CD160: variants seen among roughly 807,000 people sequenced by gnomAD.
The protein encoded by CD160 is CD160 antigen.
A neutral mutation model predicts 19.2 loss-of-function variants in CD160; 11 were observed. The observed-to-expected ratio is 0.57, with a 90% CI of 0.36 to 0.95. The LOEUF (loss-of-function observed/expected upper bound fraction) is 0.95. CD160 is among the 40% of genes least tolerant of loss of function. The pLI, the probability that CD160 is intolerant of heterozygous loss-of-function variation, is 0.01. For missense variants in CD160, 182 were observed against 213.2 expected (o/e 0.85, Z 0.91); for synonymous variants, 75 against 81.1 (o/e 0.93, Z 0.40).
chr1:145,721,353 A>T (rs1038608126), intron 1 of CD160, among the ~76,000 whole-genome samples: 3 of 152,100 alleles, frequency 2.0e-5, no homozygotes, highest in South Asian at 4.1e-4. Flanking sequence ...GTGCGAAATC[A>T]GCGCCGCCGG....
At chr1:145,735,446 C>T (rs587618342) in intron 4 of CD160, among the ~76,000 whole-genome samples, 8 of 152,102 alleles carry the variant, frequency 5.3e-5, no homozygotes, top group East Asian at 1.9e-4. Context: ...ATTGGCTGGG[C>T]GTGGTGGCAC....
At chr1:145,727,856 TA>T (rs1657113830) in intron 2 of CD160, among the ~76,000 whole-genome samples, 1 of 152,156 alleles carries the variant, frequency 6.6e-6, no homozygotes, top group Non-Finnish European at 1.5e-5. Flanking sequence ...GCAAAAATGT[TA>T]AAGTACAGAT....
chr1:145,721,927 G>C (rs1207179340), intron 1 of CD160, among the ~76,000 whole-genome samples: 1 of 152,048 alleles, frequency 6.6e-6, no homozygotes, highest in Non-Finnish European at 1.5e-5. Context: ...ACAGCTGTTC[G>C]TGAATGGATG....
At chr1:145,721,493 A>G (rs1656846600) in intron 1 of CD160, among the ~76,000 whole-genome samples, 1 of 151,876 alleles carries the variant, frequency 6.6e-6, no homozygotes, top group African/African-American at 2.4e-5. Flanking sequence ...ACAGACTTAC[A>G]TGCTCTTCTT....
Position 145,724,862 on chromosome 1 carries a change from C to G in CD160, c.-117C>G, listed in dbSNP as rs1049527869. On this transcript the variant is annotated 5_prime_UTR_variant, in exon 2 of 6. Transcript: ENST00000369288. ...TCATACCTCACTACATCCGTGAACT[C>G]CCGGGCTCCTCCCACCTAAGTCTCT... 4 of 151,984 alleles carry G rather than the reference C, an allele frequency of 2.6e-5. No homozygotes were observed. Among genetic ancestry groups the G allele is most frequent in the Non-Finnish European group, 5.9e-5 (4 of 68,022 alleles). 9.4% of individuals were successfully genotyped at this position (151,984 alleles called of 1,614,324 possible).
intron 2 of CD160, among the ~76,000 whole-genome samples, chr1:145,727,670 G>T (rs766754250): frequency 1.3e-5 from 2 of 152,128 alleles, no homozygotes; most frequent in Non-Finnish European, 2.9e-5. Flanking sequence ...ATGGCAGATG[G>T]GTTAATATCT....
At chr1:145,727,019 T>C (rs1657076162) in intron 2 of CD160, among the ~76,000 whole-genome samples, 3 of 152,152 alleles carry the variant, frequency 2.0e-5, no homozygotes, top group Admixed American at 2.0e-4. Flanking sequence ...AGGGCAAGAC[T>C]AGACAAGCTG....
intron 2 of CD160, among the ~76,000 whole-genome samples, chr1:145,725,927 A>G (rs1244584494): frequency 6.6e-6 from 1 of 152,204 alleles, no homozygotes; most frequent in African/African-American, 2.4e-5. Flanking sequence ...GAATCAACTG[A>G]AAAATGATAG....
chr1:145,729,524 T>C (rs1341915162), intron 3 of CD160, among the ~76,000 whole-genome samples: 1 of 152,040 alleles, frequency 6.6e-6, no homozygotes, highest in African/African-American at 2.4e-5. Context: ...ATTATAATAA[T>C]GGACTACAAA....
At chr1:145,734,611 G>T (rs1234370487) in intron 4 of CD160, among the ~76,000 whole-genome samples, 1 of 152,154 alleles carries the variant, frequency 6.6e-6, no homozygotes, top group Non-Finnish European at 1.5e-5. Context: ...ACAGAATGAG[G>T]TATAACACAG....
intron 4 of CD160, among the ~76,000 whole-genome samples, chr1:145,732,460 G>A (rs1430387271): frequency 6.6e-6 from 1 of 151,886 alleles, no homozygotes; most frequent in Non-Finnish European, 1.5e-5. Context: ...GATCACTTGA[G>A]CCCAGGAGTT....
At chr1:145,727,621 GACAA>G (rs1274257527) in intron 2 of CD160, among the ~76,000 whole-genome samples, 12 of 152,118 alleles carry the variant, frequency 7.9e-5, no homozygotes, top group African/African-American at 2.4e-4. Context: ...AAAGTGAAGA[GACAA>G]ACAACAAATT....
intron 5 of CD160, 24 bp from the exon 6 acceptor site, chr1:145,738,462 G>A: frequency 7.6e-7 from 1 of 1,318,942 alleles, no homozygotes; most frequent in Non-Finnish European, 9.8e-7. Context: ...TTATAAGGCA[G>A]TAATACAAAC....
chr1:145,732,753 G>A (rs888897306), intron 4 of CD160, among the ~76,000 whole-genome samples: 2 of 152,028 alleles, frequency 1.3e-5, no homozygotes, highest in African/African-American at 2.4e-5. Flanking sequence ...AAGAAACATA[G>A]CGCACAACTT....
chr1:145,728,849 TCAGA>T (rs1657169350), intron 3 of CD160, among the ~76,000 whole-genome samples: 2 of 152,158 alleles, frequency 1.3e-5, no homozygotes, highest in African/African-American at 4.8e-5. Context: ...TGCCTCTCTA[TCAGA>T]CACTCTGTCT....
At chr1:145,733,701 A>G (rs1207841328) in intron 4 of CD160, among the ~76,000 whole-genome samples, 2 of 151,300 alleles carry the variant, frequency 1.3e-5, no homozygotes, top group Non-Finnish European at 2.9e-5. Context: ...CTGTGACTGT[A>G]CTCCCCTGGC....
chr1:145,735,099 T>C (rs1657430422), intron 4 of CD160, among the ~76,000 whole-genome samples: 1 of 152,028 alleles, frequency 6.6e-6, no homozygotes, highest in Non-Finnish European at 1.5e-5. Context: ...AGAGCCAGAC[T>C]CTGTCTCAAA....
Position 145,728,379 on chromosome 1 carries a change from A to G in CD160, c.52A>G (p.Ile18Val). ...GCCALAILLA[I>V]VDIQSGGCIN... ...CTGTGCCCTGGCCATCCTGCTGGCA[A>G]TTGTGGACATCCAGTCTGGTGGTGA... Residue 18 changes from isoleucine (I) to valine (V), a missense_variant, in exon 3 of 6, where the codon ATT becomes GTT. Ile to Val is a conservative substitution (Grantham distance 29). Coordinates refer to ENST00000369288, the MANE Select transcript of CD160 (RefSeq NM_007053.4). 2 of 1,612,680 alleles carry G rather than the reference A, an allele frequency of 1.2e-6. No individual in the cohort carries two copies. Among genetic ancestry groups the G allele is most frequent in the South Asian group, 1.1e-5 (1 of 91,050 alleles).
At chr1:145,724,950 G>T (rs1553708203) in intron 2 of CD160, 44 bp downstream of exon 2, 1 of 151,938 alleles carries the variant, frequency 6.6e-6, no homozygotes, top group African/African-American at 2.4e-5. Context: ...TTTTTGTAAA[G>T]ACATGGTCTC....
Sources: gnomAD v4.1 joint callset for allele counts (sites outside exome capture counted in the v4.1 genomes callset) on GRCh38, gnomAD v4.1.1 for gene constraint, MANE v1.5 for transcripts, NCBI Gene and HGNC (gene_info 2026-07-23, HGNC 2026-07-21) for gene names.